PMVK: variants seen among roughly 807,000 people sequenced by gnomAD.
PMVK encodes phosphomevalonate kinase.
A neutral mutation model predicts 19.0 loss-of-function variants in PMVK; 10 were observed. The ratio of observed to expected loss-of-function variants is 0.53; its 90% CI spans 0.32 to 0.89. The LOEUF (loss-of-function observed/expected upper bound fraction) is 0.89, where lower values mean the gene tolerates loss of function less well. Ranked by LOEUF, PMVK falls within the 40% of genes least tolerant of loss-of-function variation. The probability of loss-of-function intolerance (pLI) is 0.03; values close to 1 mark genes in which losing one functional copy is unlikely to be tolerated. For missense variants in PMVK, 222 were observed against 251.1 expected (o/e 0.88, Z 0.78); for synonymous variants, 108 against 101.6 (o/e 1.06, Z -0.38).
intron 1 of PMVK, 195 bp downstream of exon 1, chr1:154,936,396 T>G (rs1443494381): frequency 2.0e-6 from 2 of 985,292 alleles, no homozygotes; most frequent in East Asian, 2.3e-4. Context: ...GGTGGTCACC[T>G]GCTTCTTTGA....
intron 1 of PMVK, among the ~76,000 whole-genome samples, chr1:154,933,562 C>T (rs1295933520): frequency 1.4e-5 from 2 of 138,932 alleles, no homozygotes; most frequent in East Asian, 2.2e-4. Flanking sequence ...GGCGCGATCT[C>T]GGCTCACTGC....
At chr1:154,936,884 G>C, upstream of PMVK, 1 of 579,684 alleles carries the variant, frequency 1.7e-6, no homozygotes, top group Non-Finnish European at 3.1e-6. Context: ...GGGGAGAAAA[G>C]GGTGAGACAC....
chr1:154,927,875 T>C (rs1355926711), intron 3 of PMVK, among the ~76,000 whole-genome samples: 1 of 150,378 alleles, frequency 6.6e-6, no homozygotes, highest in African/African-American at 2.5e-5. Context: ...CGCTTCCCTA[T>C]CTCTCCTCAT....
intron 3 of PMVK, among the ~76,000 whole-genome samples, chr1:154,927,567 A>G (rs1312071743): frequency 6.6e-6 from 1 of 151,554 alleles, no homozygotes; most frequent in African/African-American, 2.4e-5. Flanking sequence ...AAATCAGATC[A>G]TGTCTCTCCT....
chr1:154,932,426 G>C lies in PMVK; in HGVS notation c.96-11C>G. On this transcript the variant is annotated splice_polypyrimidine_tract_variant and intron_variant, in intron 1 of 4. Transcript: ENST00000368467. ...ACATCAGCTCCAAGTCTGCAGGACA[G>C]GGAGATCAGAATCCAGTTAGCCTAG... 3.8e-6 allele frequency: 6 copies of C among 1,594,190 alleles called. No individual in the cohort carries two copies. Among genetic ancestry groups the C allele is most frequent in the Non-Finnish European group, 4.3e-6 (5 of 1,169,062 alleles).
In PMVK at chr1:154,925,199, TTC is replaced by T. The variant is rs767866093; in HGVS notation, c.507_508del (p.Asn170ProfsTer4). 1.2e-6 allele frequency: 2 copies of T among 1,613,470 alleles called. No homozygotes were observed. Among genetic ancestry groups the T allele is most frequent in the South Asian group, 1.1e-5 (1 of 91,062 alleles). On this transcript the variant is annotated frameshift_variant, in exon 5 of 5. Transcript: ENST00000368467. LOFTEE classifies it high-confidence loss of function. ...CTCCAGGCGCTGTTCAACTCCATGG[TTC>T]TCGATGACCCAGTCAAAGTCCCCGA... is the stretch of plus-strand genomic sequence containing the variant.
At chr1:154,934,480 C>A (rs1654440784) in intron 1 of PMVK, among the ~76,000 whole-genome samples, 1 of 152,074 alleles carries the variant, frequency 6.6e-6, no homozygotes, top group African/African-American at 2.4e-5. Context: ...CCATACCCAG[C>A]TAATTTTTTT....
chr1:154,925,346 G>T, intron 4 of PMVK, 81 bp from the exon 5 acceptor site: 1 of 1,494,060 alleles, frequency 6.7e-7, no homozygotes, highest in Non-Finnish European at 9.3e-7. Flanking sequence ...CCCAACTGGA[G>T]TGGGCCCTCC....
At chr1:154,931,102 A>G (rs1654322615) in intron 2 of PMVK, among the ~76,000 whole-genome samples, 1 of 152,184 alleles carries the variant, frequency 6.6e-6, no homozygotes, top group Admixed American at 6.5e-5. Context: ...AGAAAAAAAA[A>G]TAAACCACTT....
intron 1 of PMVK, among the ~76,000 whole-genome samples, chr1:154,935,558 G>GT (rs1008313632): frequency 6.6e-6 from 1 of 151,954 alleles, no homozygotes; most frequent in African/African-American, 2.4e-5. Flanking sequence ...ATTTGTTTGG[G>GT]TTTTTTTTCT....
At chr1:154,936,747 A>G, upstream of PMVK, 6 of 1,415,098 alleles carry the variant, frequency 4.2e-6, no homozygotes, top group Non-Finnish European at 5.8e-6. Context: ...AAATCGGGAC[A>G]CCGCGCGGAA....
At chr1:154,926,319 G>C in intron 4 of PMVK, 35 bp downstream of exon 4, 1 of 1,594,802 alleles carries the variant, frequency 6.3e-7, no homozygotes, top group Non-Finnish European at 8.6e-7. Flanking sequence ...TGGGTAGCCT[G>C]TGTCCTCCTG....
At chr1:154,936,503 C>G (rs896995263) in intron 1 of PMVK, 88 bp downstream of exon 1, 34 of 1,530,302 alleles carry the variant, frequency 2.2e-5, no homozygotes, top group Non-Finnish European at 2.9e-5. Flanking sequence ...ACCCGTACTC[C>G]AAAGCTCACT....
At chr1:154,929,395 A>G (rs1220831689) in intron 2 of PMVK, among the ~76,000 whole-genome samples, 2 of 152,232 alleles carry the variant, frequency 1.3e-5, no homozygotes, top group Admixed American at 1.3e-4. Flanking sequence ...GGGATAATCC[A>G]GAAATTGTTT....
chr1:154,932,246 A>G, intron 2 of PMVK, 106 bp downstream of exon 2: 1 of 808,986 alleles, frequency 1.2e-6, no homozygotes, highest in Non-Finnish European at 2.1e-6. Context: ...CCACCCTGCC[A>G]GCAGTGGTGA....
Position 154,929,043 on chromosome 1 carries a change from C to T in PMVK, c.293G>A (p.Gly98Asp), listed in dbSNP as rs775004187. Residue 98 changes from glycine to aspartate, a missense_variant, in exon 3 of 5, where the codon GGC (glycine) becomes GAC (aspartate). Physicochemically the swap from Gly to Asp is moderately conservative, Grantham distance 94 (BLOSUM62 -1). Transcript: ENST00000368467. ...PGFFCRKIVE[G>D]ISQPIWLVSD... ...TCTTACCCAGATGGGCTGGGAGATG[C>T]CCTCCACAATCTTCCTGCAAAAGAA... The T allele has an allele frequency of 3.1e-6, 5 of 1,614,020 alleles. No individual in the cohort carries two copies. Among genetic ancestry groups the T allele is most frequent in the Middle Eastern group, 1.7e-4 (1 of 6,060 alleles).
At chr1:154,939,271 C>T (rs1349652082), upstream of PMVK, among the ~76,000 whole-genome samples, 1 of 152,170 alleles carries the variant, frequency 6.6e-6, no homozygotes, top group Non-Finnish European at 1.5e-5. Context: ...ATCCACCCAA[C>T]CCTCCAAGGT....
At position 154,936,711 on chromosome 1, in the gene PMVK, G is replaced by A. The variant is rs751906757; in HGVS notation, c.-26C>T. 6.4e-6 allele frequency: 10 copies of A among 1,569,264 alleles called. No homozygotes were observed. The highest frequency in any genetic ancestry group is 8.7e-6 in the Non-Finnish European group (10 of 1,152,298). On this transcript the variant is annotated 5_prime_UTR_variant, in exon 1 of 5. Coordinates refer to ENST00000368467, the MANE Select transcript of PMVK (RefSeq NM_006556.4). The stretch of plus-strand genomic sequence containing the variant: ...GGGGCCGCCACGCCTCGCGATGCCT[G>A]AAGCTGACACTTCTCCCTACCCCTA...
chr1:154,932,329 G>A lies in PMVK; in HGVS notation c.159+23C>T, dbSNP rs78708121. The A allele has an allele frequency of 1.8e-4, 292 of 1,592,954 alleles. 2 individuals are homozygous for A. The East Asian group carries it at 6.2e-3, about 34-fold the overall frequency. On this transcript the variant is annotated intron_variant, in intron 2 of 4. Coordinates refer to ENST00000368467, the MANE Select transcript of PMVK (RefSeq NM_006556.4). ...TGGAGCCGGCCCCGCCCAACACACCGGATGCCACAAAGCACCACCTACCTG... is the reference window on the plus strand; with the variant it reads ...TGGAGCCGGCCCCGCCCAACACACCAGATGCCACAAAGCACCACCTACCTG...
Sources: allele counts gnomAD v4.1 joint callset (sites outside exome capture counted in the v4.1 genomes callset), GRCh38; gene constraint gnomAD v4.1.1; transcripts MANE v1.5; gene names NCBI Gene and HGNC (gene_info 2026-07-23, HGNC 2026-07-21).